Variants in GABRG3 observed in about 807,000 individuals in gnomAD.
GABRG3 encodes gamma-aminobutyric acid type A receptor subunit gamma3.
GABRG3 carries 25 observed loss-of-function variants against 48.8 expected under a neutral mutation model. That is an observed-to-expected ratio of 0.51 (90% CI 0.37 to 0.72). GABRG3 has a LOEUF of 0.72. Ranked by LOEUF, GABRG3 falls within the 30% of genes least tolerant of loss-of-function variation. The pLI is 0.00. For synonymous variants in GABRG3, 227 were observed against 217.6 expected, an observed-to-expected ratio of 1.04 and a Z score of -0.38; for missense variants, 394 against 577.9, an observed-to-expected ratio of 0.68 and a Z score of 3.26.
At chr15:26,971,649 GC>G (rs1894847058) in intron 1 of GABRG3, 61 bp downstream of exon 1, 2 of 1,498,894 alleles carry the variant, frequency 1.3e-6, no homozygotes, top group South Asian at 2.5e-5. Flanking sequence ...GCGGCGGGGG[GC>G]GCTGTCTGCT....
intron 5 of GABRG3, among the ~76,000 whole-genome samples, chr15:27,368,652 G>A (rs943752524): frequency 2.0e-5 from 3 of 152,214 alleles, no homozygotes; most frequent in African/African-American, 7.2e-5. Flanking sequence ...AGGACACTGA[G>A]CACAGGGGTG....
At position 27,034,282 on chromosome 15, in the gene GABRG3, G is replaced by A. The variant is rs150639928; in HGVS notation, c.270+7461G>A. Among the ~76,000 whole-genome samples the A allele has an allele frequency of 4.1e-3, 629 of 152,250 alleles. 4 individuals carry two copies. The highest frequency in any genetic ancestry group is 6.2e-3 in the Non-Finnish European group (425 of 68,026). Reference sequence around the variant, plus strand: ...GTCCATCACTGAAGATTCAGGCCACGCATGTAACTCAGGGCCAGTTCTCTT... The same window carrying A: ...GTCCATCACTGAAGATTCAGGCCACACATGTAACTCAGGGCCAGTTCTCTT... On this transcript the variant is annotated intron_variant, in intron 3 of 9. Transcript: ENST00000615808.
chr15:27,352,722 G>T lies in GABRG3; in HGVS notation c.574+23834G>T, dbSNP rs62001311. ...TATTGGTCCCTAGGATTGTGCTTGAGAAAGGAGCTCAGTGTCTTCCCCATA... is the reference window on the plus strand; with the variant it reads ...TATTGGTCCCTAGGATTGTGCTTGATAAAGGAGCTCAGTGTCTTCCCCATA... On this transcript the variant is annotated intron_variant, in intron 5 of 9. Transcript: ENST00000615808. The surrounding 1 kb of genome is among the most constrained non-coding windows in gnomAD (Gnocchi z 4.0). Among the ~76,000 whole-genome samples, 5,297 of 152,244 alleles carry T rather than the reference G, an allele frequency of 0.035. 152 individuals are homozygous for T. Among genetic ancestry groups the T allele is most frequent in the Non-Finnish European group, 0.055 (3,770 of 68,008 alleles).
chr15:27,186,371 A>G (rs891465277), intron 3 of GABRG3, among the ~76,000 whole-genome samples: 1 of 152,192 alleles, frequency 6.6e-6, no homozygotes, highest in South Asian at 2.1e-4. Flanking sequence ...ATAGTATTAT[A>G]TGGTATATAT....
chr15:27,445,821 T>C (rs2140636864), intron 5 of GABRG3, among the ~76,000 whole-genome samples: 1 of 152,310 alleles, frequency 6.6e-6, no homozygotes, highest in African/African-American at 2.4e-5. Context: ...TATTTGCATA[T>C]GGTGAGATGA....
intron 3 of GABRG3, among the ~76,000 whole-genome samples, chr15:27,060,538 A>G (rs929594426): frequency 7.9e-5 from 12 of 152,210 alleles, no homozygotes; most frequent in Admixed American, 7.9e-4. Context: ...CAACAGATGC[A>G]TGCTTTCGTG....
intron 5 of GABRG3, among the ~76,000 whole-genome samples, chr15:27,464,633 C>T (rs1323856362): frequency 6.6e-6 from 1 of 152,160 alleles, no homozygotes; most frequent in African/African-American, 2.4e-5. Context: ...TACTGTACTT[C>T]CTTGTTAAAA....
intron 5 of GABRG3, among the ~76,000 whole-genome samples, chr15:27,415,868 G>T (rs1887925903): frequency 1.6e-5 from 2 of 128,372 alleles, no homozygotes; most frequent in South Asian, 2.4e-4. Context: ...AAAGGTTAAA[G>T]ATCTTCACAG....
intron 5 of GABRG3, among the ~76,000 whole-genome samples, chr15:27,397,802 ATTTTTT>A (rs10562407): frequency 8.2e-6 from 1 of 122,318 alleles, no homozygotes. Context: ...TCTCTGAAAA[ATTTTTT>A]TTTTTTTTTT....
chr15:27,226,742 C>A (rs1001108855), intron 3 of GABRG3, among the ~76,000 whole-genome samples: 6 of 152,184 alleles, frequency 3.9e-5, no homozygotes, highest in African/African-American at 9.7e-5. Flanking sequence ...CCAGCAGATC[C>A]CCCTCTGGCC....
rs112607814 is a variant in GABRG3 at position 27,430,372 on chromosome 15, A to G, written c.575-50278A>G. On this transcript the variant is annotated intron_variant, in intron 5 of 9. Coordinates refer to ENST00000615808, the MANE Select transcript of GABRG3 (RefSeq NM_033223.5). ...TGTTGACTTTCCACTTACTAATGGT[A>G]TCCTTTGAATCACAAACACAGGAAT... Among the ~76,000 whole-genome samples, 1,073 of 152,302 alleles carry G rather than the reference A, an allele frequency of 7.0e-3. 10 individuals are homozygous for G. Among genetic ancestry groups the G allele is most frequent in the African/African-American group, 0.024 (1,015 of 41,578 alleles).
chr15:27,099,324 C>G (rs1451468392), intron 3 of GABRG3, among the ~76,000 whole-genome samples: 1 of 152,098 alleles, frequency 6.6e-6, no homozygotes, highest in Admixed American at 6.5e-5. Flanking sequence ...ACTTTATTTT[C>G]TCACCATTCT....
chr15:27,006,250 G>A (rs1035674586), intron 2 of GABRG3, among the ~76,000 whole-genome samples: 1 of 151,934 alleles, frequency 6.6e-6, no homozygotes, highest in Non-Finnish European at 1.5e-5. Context: ...CGTCTGGGTT[G>A]GAGTGGAGTG....
intron 3 of GABRG3, among the ~76,000 whole-genome samples, chr15:27,308,526 G>GT (rs1437870852): frequency 2.7e-5 from 4 of 145,922 alleles, no homozygotes; most frequent in African/African-American, 7.5e-5. Flanking sequence ...AAACATACAT[G>GT]TTTATATAAA....
intron 5 of GABRG3, among the ~76,000 whole-genome samples, chr15:27,349,635 G>A (rs1894488966): frequency 6.6e-6 from 1 of 152,190 alleles, no homozygotes; most frequent in African/African-American, 2.4e-5. Context: ...CATCTGCTCT[G>A]TCTCCTTCTC....
chr15:27,238,972 A>C (rs866155370), intron 3 of GABRG3, among the ~76,000 whole-genome samples: 2 of 152,222 alleles, frequency 1.3e-5, no homozygotes, highest in African/African-American at 4.8e-5. Context: ...GGAAGTGTCA[A>C]CCTAAATAAC....
intron 2 of GABRG3, among the ~76,000 whole-genome samples, chr15:27,004,086 CT>C (rs1265336041): frequency 6.7e-6 from 1 of 149,642 alleles, no homozygotes; most frequent in Admixed American, 6.6e-5. Context: ...GCTGACCCCC[CT>C]ACCTCCCTCC....
chr15:27,510,376 C>G (rs948463053), intron 6 of GABRG3, among the ~76,000 whole-genome samples: 1 of 152,186 alleles, frequency 6.6e-6, no homozygotes, highest in African/African-American at 2.4e-5. Context: ...TGCTTGCTTG[C>G]TTTTCTACTC....
intron 3 of GABRG3, chr15:27,157,520 T>C (rs1264613881): frequency 6.6e-6 from 1 of 152,204 alleles, no homozygotes; most frequent in Non-Finnish European, 1.5e-5. Context: ...GTTATCAACC[T>C]GAACTTTACA....
Sources: allele counts gnomAD v4.1 joint callset (sites outside exome capture counted in the v4.1 genomes callset), GRCh38; gene constraint gnomAD v4.1.1; non-coding constraint Gnocchi (gnomAD v3.1); transcripts MANE v1.5; gene names NCBI Gene and HGNC (gene_info 2026-07-23, HGNC 2026-07-21).